The following GRM7 variants were observed in gnomAD, a reference collection of about 807,000 sequenced individuals.
GRM7 encodes metabotropic glutamate receptor 7.
In GRM7, 35 loss-of-function variants were observed where a neutral mutation model predicts 84.5. The ratio of observed to expected loss-of-function variants is 0.41; its 90% CI spans 0.32 to 0.55. The LOEUF (loss-of-function observed/expected upper bound fraction) is 0.55, where lower values mean the gene tolerates loss of function less well. Among genes scored for constraint, GRM7 ranks in the 20% least tolerant of loss-of-function variants. The pLI, the probability that GRM7 is intolerant of heterozygous loss-of-function variation, is 0.19. For synonymous variants in GRM7, 487 were observed against 455.1 expected, an observed-to-expected ratio of 1.07 and a Z score of -0.89; for missense variants, 1,003 against 1,194.6, an observed-to-expected ratio of 0.84 and a Z score of 2.36.
chr3:7,163,654 A>G (rs2125081421), intron 2 of GRM7, among the ~76,000 whole-genome samples: 1 of 152,288 alleles, frequency 6.6e-6, no homozygotes, highest in South Asian at 2.1e-4. Flanking sequence ...GGTGGTTGGG[A>G]ACACCTCTTT....
At chr3:7,653,522 A>T (rs1699051339) in intron 8 of GRM7, among the ~76,000 whole-genome samples, 1 of 152,094 alleles carries the variant, frequency 6.6e-6, no homozygotes, top group Admixed American at 6.5e-5. Flanking sequence ...CAGTCCCCAG[A>T]ACCAGCCTTC....
At chr3:7,713,795 CTTTTTTTTT>C (rs60007117) in intron 9 of GRM7, among the ~76,000 whole-genome samples, 2 of 64,752 alleles carry the variant, frequency 3.1e-5, no homozygotes, top group East Asian at 6.1e-4. Context: ...CGGATGCTTT[CTTTTTTTTT>C]TTTTTTTTTT....
intron 1 of GRM7, among the ~76,000 whole-genome samples, chr3:6,864,092 A>G (rs994588717): frequency 1.3e-5 from 2 of 152,164 alleles, no homozygotes; most frequent in Non-Finnish European, 2.9e-5. Context: ...CGTTAGCGTT[A>G]TGGCTGGGGA....
At chr3:7,514,791 G>A (rs68132669) in intron 7 of GRM7, among the ~76,000 whole-genome samples, 8 of 152,214 alleles carry the variant, frequency 5.3e-5, no homozygotes, top group Non-Finnish European at 7.4e-5. Flanking sequence ...TCACAGTGAC[G>A]CACTGTGGAG....
intron 1 of GRM7, among the ~76,000 whole-genome samples, chr3:6,961,187 G>A (rs1049311023): frequency 2.6e-5 from 4 of 152,064 alleles, no homozygotes; most frequent in African/African-American, 9.7e-5. Flanking sequence ...TGAAATTTGC[G>A]AAATCTCAAT....
intron 1 of GRM7, among the ~76,000 whole-genome samples, chr3:7,089,477 C>CTG (rs1253795308): frequency 2.0e-5 from 3 of 152,072 alleles, no homozygotes; most frequent in Non-Finnish European, 4.4e-5. Flanking sequence ...TGACTATGAG[C>CTG]TGCGGGAGAA....
chr3:6,969,097 T>C (rs1468651814), intron 1 of GRM7, among the ~76,000 whole-genome samples: 1 of 151,944 alleles, frequency 6.6e-6, no homozygotes, highest in Admixed American at 6.5e-5. Flanking sequence ...TGTTTTTTTT[T>C]TCTTTCTTGT....
intron 9 of GRM7, among the ~76,000 whole-genome samples, chr3:7,715,366 A>T (rs1160688779): frequency 6.6e-6 from 1 of 152,172 alleles, no homozygotes; most frequent in Admixed American, 6.5e-5. Context: ...CCAACTACTT[A>T]GGAGGCTGAG....
intron 9 of GRM7, among the ~76,000 whole-genome samples, chr3:7,704,816 C>T (rs1250507888): frequency 6.6e-6 from 1 of 152,172 alleles, no homozygotes; most frequent in African/African-American, 2.4e-5. Context: ...CTCCACAGGG[C>T]TCTTGTCCAC....
At chr3:7,031,825 A>C (rs1696194852) in intron 1 of GRM7, among the ~76,000 whole-genome samples, 1 of 152,124 alleles carries the variant, frequency 6.6e-6, no homozygotes, top group African/African-American at 2.4e-5. Flanking sequence ...ACTGTGTAGC[A>C]CAAGGCCAAG....
intron 2 of GRM7, among the ~76,000 whole-genome samples, chr3:7,158,560 C>T (rs1694527539): frequency 6.6e-6 from 1 of 152,092 alleles, no homozygotes. Context: ...AATTTTGTCA[C>T]TGTTGTAATA....
At position 7,522,189 on chromosome 3, in the gene GRM7, G is replaced by T. The variant is rs559231178; in HGVS notation, c.1516-56233G>T. Among the ~76,000 whole-genome samples, 19 of 152,274 alleles carry T rather than the reference G, an allele frequency of 1.2e-4. No individual in the cohort carries two copies. The South Asian group carries it at 1.9e-3, about 15-fold the overall frequency. ...CTGGCTCTTTCTGATCAAAATCATT[G>T]TAACATGACTGGACCTTGCCTTTCT... On this transcript the variant is annotated intron_variant, in intron 7 of 9. Transcript: ENST00000357716.
chr3:7,664,878 A>ATCT (rs113837481), intron 8 of GRM7, among the ~76,000 whole-genome samples: 76,897 of 146,818 alleles, frequency 0.52, 20,394 homozygotes, highest in African/African-American at 0.67. Flanking sequence ...TCTACTCTTG[A>ATCT]TCTCAAATTA....
chr3:6,917,427 G>T (rs1464461786), intron 1 of GRM7, among the ~76,000 whole-genome samples: 1 of 149,950 alleles, frequency 6.7e-6, no homozygotes, highest in Admixed American at 6.7e-5. Flanking sequence ...GATGCAAATT[G>T]ATTGAAATAT....
intron 8 of GRM7, among the ~76,000 whole-genome samples, chr3:7,640,648 G>A: frequency 6.6e-6 from 1 of 152,172 alleles, no homozygotes; most frequent in East Asian, 1.9e-4. Flanking sequence ...AGGAAAGTCT[G>A]AGAAATACTA....
chr3:7,641,511 A>G (rs1698362262), intron 8 of GRM7, among the ~76,000 whole-genome samples: 1 of 152,128 alleles, frequency 6.6e-6, no homozygotes, highest in Non-Finnish European at 1.5e-5. Context: ...CCCTGGTGGC[A>G]CAATACCATC....
chr3:7,677,067 C>T (rs1489928560), intron 8 of GRM7, among the ~76,000 whole-genome samples: 3 of 151,860 alleles, frequency 2.0e-5, no homozygotes, highest in African/African-American at 7.3e-5. Flanking sequence ...CAAGACCATC[C>T]TGGCTAACAC....
At chr3:7,227,362 A>G (rs1697017197) in intron 2 of GRM7, among the ~76,000 whole-genome samples, 1 of 152,220 alleles carries the variant, frequency 6.6e-6, no homozygotes, top group South Asian at 2.1e-4. Flanking sequence ...CAGAAAGTGG[A>G]ATAACTGTTG....
chr3:7,616,524 T>TCTTTC (rs1290759805), intron 8 of GRM7, among the ~76,000 whole-genome samples: 1 of 152,176 alleles, frequency 6.6e-6, no homozygotes, highest in Non-Finnish European at 1.5e-5. Context: ...TATGCAGCTA[T>TCTTTC]CTTTCATGAC....
Sources: allele counts gnomAD v4.1 joint callset (sites outside exome capture counted in the v4.1 genomes callset), GRCh38; gene constraint gnomAD v4.1.1; transcripts MANE v1.5; gene names NCBI Gene and HGNC (gene_info 2026-07-23, HGNC 2026-07-21).